DHX15: variants seen among roughly 807,000 people sequenced by gnomAD.
DHX15 encodes the protein ATP-dependent RNA helicase DHX15.
In DHX15, 11 loss-of-function variants were observed where a neutral mutation model predicts 94.4. The ratio of observed to expected loss-of-function variants is 0.12; its 90% confidence interval spans 0.07 to 0.19. The LOEUF (loss-of-function observed/expected upper bound fraction) is 0.19, where lower values mean the gene tolerates loss of function less well. Among genes scored for constraint, DHX15 ranks in the 10% least tolerant of loss-of-function variants. The pLI, the probability that DHX15 is intolerant of heterozygous loss-of-function variation, is 1.00. For missense variants in DHX15, 304 were observed against 988.5 expected (o/e 0.31, Z 9.29); for synonymous variants, 338 against 329.9 (o/e 1.02, Z -0.27).
At chr4:24,548,147 T>G (rs1721497451) in intron 6 of DHX15, among the ~76,000 whole-genome samples, 1 of 141,978 alleles carries the variant, frequency 7.0e-6, no homozygotes, top group African/African-American at 2.6e-5. Flanking sequence ...CTACTTTTTT[T>G]TTTTTTTTTT....
intron 5 of DHX15, among the ~76,000 whole-genome samples, chr4:24,549,721 G>C (rs1171336954): frequency 6.6e-6 from 1 of 152,172 alleles, no homozygotes; most frequent in Non-Finnish European, 1.5e-5. Context: ...TGTTATTGAA[G>C]TGAATAACAG....
chr4:24,573,270 G>A (rs1332228521), intron 2 of DHX15, among the ~76,000 whole-genome samples: 3 of 152,100 alleles, frequency 2.0e-5, no homozygotes, highest in Non-Finnish European at 4.4e-5. Context: ...TCCACTTGAG[G>A]GCATCTTAAA....
Position 24,570,801 on chromosome 4 carries a change from T to C in DHX15, c.554A>G (p.Lys185Arg). 2 of 1,614,210 alleles carry C rather than the reference T, an allele frequency of 1.2e-6. No homozygotes were observed. Among genetic ancestry groups the C allele is most frequent in the Non-Finnish European group, 1.7e-6 (2 of 1,180,048 alleles). The change falls in exon 3 of 14, where the codon AAG becomes AGG. Residue 185 changes from lysine to arginine, a missense_variant. This residue lies in a region of DHX15 where 10 missense variants were observed against 18.4 expected (regional missense o/e 0.54). Transcript: ENST00000336812. ...VEYMRSLPGP[K>R]RGVACTQPRR... ...GGGTTGGGTACAGGCAACTCCTCTC[T>C]TGGGTCCTGGTAATGATCGCATGTA...
At position 24,576,664 on chromosome 4, in the gene DHX15, C is replaced by G; in HGVS notation, c.86G>C (p.Arg29Pro). The G allele has an allele frequency of 1.2e-6, 2 of 1,611,216 alleles. No homozygotes were observed. Among genetic ancestry groups the G allele is most frequent in the Non-Finnish European group, 1.7e-6 (2 of 1,177,682 alleles). The change falls in exon 2 of 14, where the codon CGA becomes CCA. Residue 29 changes from arginine (R) to proline (P), a missense_variant. Arg to Pro is a moderately radical substitution (Grantham distance 103). Around this residue, in one of 9 missense-constraint regions of DHX15, gnomAD observed 143 missense variants for 200.5 expected, o/e 0.71. Transcript: ENST00000336812. ...RAGTDGKDRD[R>P]DRDREDRSKD... ...AGACCGATCTTCACGATCCCGGTCT[C>G]GATCTCGATCCTTCCTAAAAACAAA... is the stretch of plus-strand genomic sequence containing the variant.
At chr4:24,557,887 CATG>C (rs1448142664) in intron 3 of DHX15, among the ~76,000 whole-genome samples, 2 of 151,334 alleles carry the variant, frequency 1.3e-5, no homozygotes, top group African/African-American at 4.9e-5. Flanking sequence ...TACTCTTGTA[CATG>C]ATCTCAGTAG....
intron 2 of DHX15, among the ~76,000 whole-genome samples, chr4:24,572,001 A>G (rs1722132258): frequency 6.6e-6 from 1 of 152,210 alleles, no homozygotes; most frequent in Non-Finnish European, 1.5e-5. Flanking sequence ...TTACTTACTG[A>G]TATATCCTCA....
intron 2 of DHX15, among the ~76,000 whole-genome samples, chr4:24,572,874 T>C (rs977793604): frequency 6.6e-6 from 1 of 152,148 alleles, no homozygotes; most frequent in East Asian, 1.9e-4. Flanking sequence ...TCCTGAAATA[T>C]GTAGGCTACT....
chr4:24,533,174 CACA>C (rs1035983267), intron 11 of DHX15, 120 bp from the exon 12 acceptor site: 4 of 882,702 alleles, frequency 4.5e-6, no homozygotes, highest in Admixed American at 1.9e-5. Flanking sequence ...GAGATTTACC[CACA>C]ACATTTTCTT....
chr4:24,562,826 C>CT (rs148319505), intron 3 of DHX15, among the ~76,000 whole-genome samples: 164 of 152,274 alleles, frequency 1.1e-3, no homozygotes, highest in African/African-American at 3.6e-3. Context: ...CAAGATGAAT[C>CT]TTTCACACAC....
chr4:24,544,190 C>T (rs1457211315), intron 6 of DHX15, among the ~76,000 whole-genome samples: 1 of 152,064 alleles, frequency 6.6e-6, no homozygotes, highest in Non-Finnish European at 1.5e-5. Context: ...TTATATTTAT[C>T]CCTATTTTAT....
At chr4:24,576,193 G>T in intron 2 of DHX15, 50 bp downstream of exon 2, 2 of 1,459,982 alleles carry the variant, frequency 1.4e-6, no homozygotes, top group South Asian at 1.2e-5. Flanking sequence ...TGCAACATTT[G>T]GTAAACTTAA....
intron 3 of DHX15, among the ~76,000 whole-genome samples, chr4:24,569,710 G>A (rs1577348700): frequency 6.6e-6 from 1 of 150,722 alleles, no homozygotes; most frequent in African/African-American, 2.4e-5. Context: ...CCTACACAAC[G>A]CTCCAAAATG....
At chr4:24,532,789 T>C in intron 12 of DHX15, 75 bp downstream of exon 12, 1 of 1,166,372 alleles carries the variant, frequency 8.6e-7, no homozygotes, top group Non-Finnish European at 1.2e-6. Context: ...TGCTTTTGAG[T>C]GGATTCAAAG....
intron 13 of DHX15, among the ~76,000 whole-genome samples, chr4:24,528,913 C>T (rs1156339170): frequency 6.8e-6 from 1 of 147,792 alleles, no homozygotes; most frequent in South Asian, 2.1e-4. Flanking sequence ...CAAAACAAAA[C>T]AAAAAAAAAC....
chr4:24,567,446 G>A (rs1176513662), intron 3 of DHX15, among the ~76,000 whole-genome samples: 10 of 151,912 alleles, frequency 6.6e-5, no homozygotes, highest in South Asian at 6.2e-4. Context: ...GCGTGGTGGC[G>A]GGGGCCTGTA....
intron 6 of DHX15, among the ~76,000 whole-genome samples, chr4:24,548,306 C>T: frequency 6.6e-6 from 1 of 152,196 alleles, no homozygotes; most frequent in East Asian, 1.9e-4. Flanking sequence ...CCACGCCCGG[C>T]TAATTTTTTT....
At chr4:24,543,476 A>T (rs1721360071) in intron 6 of DHX15, among the ~76,000 whole-genome samples, 1 of 152,154 alleles carries the variant, frequency 6.6e-6, no homozygotes, top group African/African-American at 2.4e-5. Context: ...ATTCAACTCA[A>T]CATTTTAAAC....
intron 10 of DHX15, chr4:24,538,331 A>G (rs999206059): frequency 3.9e-5 from 6 of 152,186 alleles, no homozygotes; most frequent in African/African-American, 1.4e-4. Context: ...AGATGCCAAA[A>G]TAGCCAAATA....
chr4:24,546,016 T>TC (rs1009528687), intron 6 of DHX15, among the ~76,000 whole-genome samples: 4 of 151,830 alleles, frequency 2.6e-5, no homozygotes, highest in African/African-American at 9.7e-5. Context: ...TAGAACCACT[T>TC]CCCCCCACTC....
Sources: allele counts gnomAD v4.1 joint callset (sites outside exome capture counted in the v4.1 genomes callset), GRCh38; gene constraint gnomAD v4.1.1; regional missense constraint gnomAD v4.1.1; transcripts MANE v1.5; gene names NCBI Gene and HGNC (gene_info 2026-07-23, HGNC 2026-07-21).